The following HELZ variants were observed in gnomAD, a reference collection of about 807,000 sequenced individuals.
HELZ encodes helicase with zinc finger.
HELZ carries 23 observed loss-of-function variants against 218.2 expected under a neutral mutation model. The observed-to-expected ratio is 0.11, with a 90% CI of 0.08 to 0.15. The LOEUF is 0.15. HELZ is among the 10% of genes least tolerant of loss of function. HELZ has a pLI of 1.00. For synonymous variants in HELZ, 814 were observed against 829.4 expected (o/e 0.98, Z 0.32); for missense variants, 1,813 against 2,353.7 (o/e 0.77, Z 4.75).
chr17:67,122,315 A>G (rs1391154580), intron 26 of HELZ, among the ~76,000 whole-genome samples: 5 of 152,064 alleles, frequency 3.3e-5, no homozygotes, highest in Admixed American at 2.0e-4. Context: ...GGAGGCCAAG[A>G]CAGGCGGATC....
In HELZ at chr17:67,073,025, A is replaced by G. The variant is rs1217008253; in HGVS notation, c.*5227T>C. Reference sequence around the variant, plus strand: ...CTCGAGGCAATTCTGATACTGGCTGAAGTTTGAGAACCATTGCTCCATCCT... The same window carrying G: ...CTCGAGGCAATTCTGATACTGGCTGGAGTTTGAGAACCATTGCTCCATCCT... On this transcript the variant is annotated 3_prime_UTR_variant, in exon 33 of 33. Coordinates refer to ENST00000358691, the MANE Select transcript of HELZ (RefSeq NM_014877.4). 1.3e-5 allele frequency: 2 copies of G among 152,222 alleles called. No homozygotes were observed. Among genetic ancestry groups the G allele is most frequent in the African/African-American group, 4.8e-5 (2 of 41,458 alleles). 9.4% of individuals were successfully genotyped at this position (152,222 alleles called of 1,614,324 possible).
In HELZ at chr17:67,220,320, T is replaced by A. The variant is rs111379453; in HGVS notation, c.-18-1498A>T. Among the ~76,000 whole-genome samples the A allele has an allele frequency of 3.9e-3, 592 of 152,250 alleles. 5 individuals are homozygous for A. Among genetic ancestry groups the A allele is most frequent in the African/African-American group, 0.014 (562 of 41,544 alleles). ...GAAGAGGTCTAAGCCCCTTCAGCTT[T>A]TGAGATTCTTGGTCTACCAAAACAG... On this transcript the variant is annotated intron_variant, in intron 3 of 32. Transcript: ENST00000358691.
At chr17:67,175,228 A>G (rs2039421679) in intron 13 of HELZ, among the ~76,000 whole-genome samples, 1 of 152,198 alleles carries the variant, frequency 6.6e-6, no homozygotes, top group East Asian at 1.9e-4. Context: ...GGATTTTACA[A>G]AAACAAAAAA....
At chr17:67,088,491 TTAAAG>T (rs1200058182) in intron 31 of HELZ, among the ~76,000 whole-genome samples, 1 of 152,166 alleles carries the variant, frequency 6.6e-6, no homozygotes, top group Non-Finnish European at 1.5e-5. Flanking sequence ...GAGTATTAAG[TTAAAG>T]TAAATGGAAC....
intron 17 of HELZ, among the ~76,000 whole-genome samples, chr17:67,152,067 C>G (rs1033616445): frequency 2.0e-5 from 3 of 152,182 alleles, no homozygotes; most frequent in Admixed American, 1.3e-4. Context: ...TGTTAAAGGA[C>G]TATTCTGTTT....
chr17:67,082,000 G>A (rs2036209622), intron 32 of HELZ, among the ~76,000 whole-genome samples: 1 of 152,188 alleles, frequency 6.6e-6, no homozygotes, highest in Admixed American at 6.5e-5. Flanking sequence ...ATAGGCCCTG[G>A]AGGGAGATGC....
rs1008339899 is a variant in HELZ at position 67,076,453 on chromosome 17, C to G, written c.*1799G>C. The G allele has an allele frequency of 2.0e-5, 3 of 152,224 alleles. No individual in the cohort carries two copies. The highest frequency in any genetic ancestry group is 4.4e-5 in the Non-Finnish European group (3 of 68,062). 9.4% of individuals were successfully genotyped at this position (152,224 alleles called of 1,614,324 possible). A position where few individuals can be genotyped will look rare whatever the true frequency, so the allele number is the denominator to read the frequency against. On this transcript the variant is annotated 3_prime_UTR_variant, in exon 33 of 33. Transcript: ENST00000358691. ...CTGTGATTTATGCTAACCATTAACACGTCTGCAGTTTACAAGTCTATGTCT... is the reference window on the plus strand; with the variant it reads ...CTGTGATTTATGCTAACCATTAACAGGTCTGCAGTTTACAAGTCTATGTCT...
chr17:67,120,366 A>G (rs1286826196), intron 27 of HELZ, 39 bp downstream of exon 27: 1 of 1,514,416 alleles, frequency 6.6e-7, no homozygotes, highest in Non-Finnish European at 9.2e-7. Context: ...TTTACCTGTC[A>G]TCAGTTTATG....
chr17:67,089,666 T>C (rs796344445), intron 31 of HELZ, among the ~76,000 whole-genome samples: 2 of 54,814 alleles, frequency 3.6e-5, no homozygotes, highest in African/African-American at 1.4e-4. Flanking sequence ...TATATATATA[T>C]ATAGAGAGAG....
At chr17:67,167,861 T>G (rs868272022) in intron 13 of HELZ, 65 bp from the exon 14 acceptor site, 1 of 1,077,354 alleles carries the variant, frequency 9.3e-7, no homozygotes, top group Non-Finnish European at 1.4e-6. Context: ...ACTAGAAGAG[T>G]GAAACAAAGT....
At chr17:67,165,096 G>A (rs1050990227) in intron 15 of HELZ, among the ~76,000 whole-genome samples, 5 of 152,208 alleles carry the variant, frequency 3.3e-5, no homozygotes, top group Admixed American at 1.3e-4. Flanking sequence ...TTTACAATCA[G>A]TAGATCACCA....
At chr17:67,181,001 C>T (rs917108872) in intron 12 of HELZ, among the ~76,000 whole-genome samples, 1 of 149,160 alleles carries the variant, frequency 6.7e-6, no homozygotes, top group Non-Finnish European at 1.5e-5. Context: ...TGCAGTGAGC[C>T]AAGATCGCGC....
chr17:67,221,023 T>A (rs2040731447), intron 3 of HELZ, among the ~76,000 whole-genome samples: 2 of 152,166 alleles, frequency 1.3e-5, no homozygotes. Flanking sequence ...TACATTGATG[T>A]GGGTGAAATC....
chr17:67,120,945 T>C (rs1168940244), intron 26 of HELZ, among the ~76,000 whole-genome samples: 1 of 152,210 alleles, frequency 6.6e-6, no homozygotes, highest in Non-Finnish European at 1.5e-5. Context: ...TCCATATGAA[T>C]GTATACATGT....
intron 15 of HELZ, among the ~76,000 whole-genome samples, chr17:67,162,380 C>T (rs987647195): frequency 1.3e-5 from 2 of 152,102 alleles, no homozygotes; most frequent in African/African-American, 4.8e-5. Flanking sequence ...TGAAATTTGC[C>T]ATTTGCTAAA....
At chr17:67,218,009 C>T (rs1165426749) in intron 4 of HELZ, among the ~76,000 whole-genome samples, 5 of 151,600 alleles carry the variant, frequency 3.3e-5, no homozygotes, top group African/African-American at 9.7e-5. Flanking sequence ...ACCTCGGCTC[C>T]CTGCAACCTC....
intron 5 of HELZ, among the ~76,000 whole-genome samples, chr17:67,207,320 A>T (rs1230404018): frequency 6.7e-6 from 1 of 148,310 alleles, no homozygotes; most frequent in Non-Finnish European, 1.5e-5. Context: ...CCTCAGTTCA[A>T]GCGACTCTCC....
intron 17 of HELZ, among the ~76,000 whole-genome samples, chr17:67,160,051 T>C (rs2033669213): frequency 6.6e-6 from 1 of 152,138 alleles, no homozygotes; most frequent in Admixed American, 6.5e-5. Flanking sequence ...TAAAAAAGGA[T>C]GTCTTTCTCT....
intron 31 of HELZ, among the ~76,000 whole-genome samples, chr17:67,097,278 G>A (rs1292542758): frequency 6.6e-6 from 1 of 152,164 alleles, no homozygotes; most frequent in Non-Finnish European, 1.5e-5. Flanking sequence ...TGATACAGAG[G>A]CACAAAGTGA....
Sources: allele counts gnomAD v4.1 joint callset (sites outside exome capture counted in the v4.1 genomes callset), GRCh38; gene constraint gnomAD v4.1.1; transcripts MANE v1.5; gene names NCBI Gene and HGNC (gene_info 2026-07-23, HGNC 2026-07-21).